Variants in SH3TC1 observed in about 807,000 individuals in gnomAD.
The protein encoded by SH3TC1 is SH3 domain and tetratricopeptide repeats 1, also known as SH3 domain and tetratricopeptide repeat-containing protein 1.
SH3TC1 carries 135 observed loss-of-function variants against 117.3 expected under a neutral mutation model. That is an observed-to-expected ratio of 1.15 (90% CI 1.00 to 1.33). The LOEUF (loss-of-function observed/expected upper bound fraction) is 1.33. SH3TC1 is among the 40% of genes most tolerant of loss of function. The pLI is 0.00. For missense variants in SH3TC1, 2,092 were observed against 1,794.3 expected (o/e 1.17, Z -3.00); for synonymous variants, 898 against 816.9 (o/e 1.10, Z -1.69).
intron 14 of SH3TC1, among the ~76,000 whole-genome samples, chr4:8,234,186 C>A (rs1010766159): frequency 1.4e-5 from 2 of 146,104 alleles, no homozygotes; most frequent in Non-Finnish European, 1.5e-5. Context: ...CATCCATCAT[C>A]CATCCATTCA....
At position 8,228,139 on chromosome 4, in the gene SH3TC1, C is replaced by T. The variant is rs763950708; in HGVS notation, c.2445C>T (p.Ala815=). 2 of 1,612,380 alleles carry T rather than the reference C, an allele frequency of 1.2e-6. No individual in the cohort carries two copies. The highest frequency in any genetic ancestry group is 1.1e-5 in the South Asian group (1 of 90,992). Reference sequence around the variant, plus strand: ...CCTTCATGACGCAGGCAGTGGAAGCCAGTGCTATTGCCGGAGTCCGTGCCA... The same window carrying T: ...CCTTCATGACGCAGGCAGTGGAAGCTAGTGCTATTGCCGGAGTCCGTGCCA... ...AITFMTQAVE[A]SAIAGVRAIV... The change falls in exon 12 of 18, where the codon GCC becomes GCT. Residue 815 remains alanine, a synonymous_variant. Coordinates refer to ENST00000245105, the MANE Select transcript of SH3TC1 (RefSeq NM_018986.5).
chr4:8,225,083 C>G lies in SH3TC1; in HGVS notation c.1244-92C>G. On this transcript the variant is annotated intron_variant, in intron 10 of 17. Transcript: ENST00000245105. The surrounding 1 kb of genome is among the most constrained non-coding windows in gnomAD (Gnocchi z 5.5). ...CTCAATACCTGCACCCAGCAATGCT[C>G]TCACCCTGCAACATCGACACTAGCT... 2 of 1,484,524 alleles carry G rather than the reference C, an allele frequency of 1.3e-6. No individual in the cohort carries two copies. Among genetic ancestry groups the G allele is most frequent in the Non-Finnish European group, 1.9e-6 (2 of 1,075,286 alleles). The allele number at this position is 1,484,524 out of a possible 1,614,324, so 92.0% of individuals were successfully genotyped here.
At chr4:8,199,846 C>CCCGGCA (rs1717708716) in intron 1 of SH3TC1, among the ~76,000 whole-genome samples, 1 of 152,202 alleles carries the variant, frequency 6.6e-6, no homozygotes, top group African/African-American at 2.4e-5. Context: ...CTCAGCCTCA[C>CCCGGCA]CCGGCACCGC....
chr4:8,196,260 C>A (rs557472602), upstream of SH3TC1, among the ~76,000 whole-genome samples: 8 of 152,320 alleles, frequency 5.3e-5, no homozygotes, highest in Admixed American at 3.3e-4. The surrounding 1 kb of genome is among the most constrained non-coding windows in gnomAD (Gnocchi z 4.6). Context: ...AGGAAGTGAC[C>A]ACTCCATGAG....
At chr4:8,216,792 C>G (rs1464909823) in intron 6 of SH3TC1, among the ~76,000 whole-genome samples, 165 bp from the exon 7 acceptor site, 2 of 152,150 alleles carry the variant, frequency 1.3e-5, no homozygotes, top group Non-Finnish European at 2.9e-5. Context: ...TCGCCCTGGG[C>G]CCACCTCTCC....
chr4:8,204,538 G>T (rs908093839), intron 1 of SH3TC1, among the ~76,000 whole-genome samples: 5 of 152,184 alleles, frequency 3.3e-5, no homozygotes, highest in African/African-American at 1.2e-4. Context: ...GGCCCCCCAT[G>T]ACCAAGCCCT....
chr4:8,205,120 G>A lies in SH3TC1; in HGVS notation c.-28-47G>A. On this transcript the variant is annotated intron_variant, in intron 1 of 17. Coordinates refer to ENST00000245105, the MANE Select transcript of SH3TC1 (RefSeq NM_018986.5). This position sits in a 1 kb window ranked among gnomAD's most constrained non-coding sequence, Gnocchi z 5.4. ...CAGGCCTGGACACAACCTCCGTGCTGGTTCTGGAGGGGCCACCTCTCCTGA... is the reference window on the plus strand; with the variant it reads ...CAGGCCTGGACACAACCTCCGTGCTAGTTCTGGAGGGGCCACCTCTCCTGA... 1.4e-6 allele frequency: 2 copies of A among 1,414,396 alleles called. No homozygotes were observed. Among genetic ancestry groups the A allele is most frequent in the South Asian group, 1.5e-5 (1 of 64,520 alleles). The allele number at this position is 1,414,396 out of a possible 1,614,324, so 87.6% of individuals were successfully genotyped here. A position where few individuals can be genotyped will look rare whatever the true frequency, so the allele number is the denominator to read the frequency against.
rs1719269256 is a variant in SH3TC1 at position 8,216,323 on chromosome 4, C to T, written c.628+66C>T. On this transcript the variant is annotated intron_variant, in intron 6 of 17. Transcript: ENST00000245105. ...GGGGCACTCCCGGGCCATGGGGTGACAGCCTGGATCCCGCTGTGCTGAGCA... is the reference window on the plus strand; with the variant it reads ...GGGGCACTCCCGGGCCATGGGGTGATAGCCTGGATCCCGCTGTGCTGAGCA... 3 of 1,563,816 alleles carry T rather than the reference C, an allele frequency of 1.9e-6. No homozygotes were observed. In the African/African-American group the frequency reaches 4.0e-5, roughly 21 times the overall value.
chr4:8,209,668 G>T lies in SH3TC1; in HGVS notation c.173-80G>T, dbSNP rs747270443. ...GAACTCACCTCTTTTCTTGCAGAGA[G>T]ACCTGGAGCGTTTGGCGCCTTCAGA... On this transcript the variant is annotated intron_variant, in intron 2 of 17. Transcript: ENST00000245105. This position sits in a 1 kb window ranked among gnomAD's most constrained non-coding sequence, Gnocchi z 5.9. 3.8e-6 allele frequency: 6 copies of T among 1,588,930 alleles called. No individual in the cohort carries two copies. Among genetic ancestry groups the T allele is most frequent in the South Asian group, 1.1e-5 (1 of 87,680 alleles).
intron 2 of SH3TC1, among the ~76,000 whole-genome samples, chr4:8,207,911 T>C (rs1307903382): frequency 1.3e-5 from 2 of 152,148 alleles, no homozygotes; most frequent in Non-Finnish European, 2.9e-5. Flanking sequence ...TCAACTTCAA[T>C]AGGGATGGCA....
At chr4:8,224,781 T>C (rs1720303990) in intron 10 of SH3TC1, among the ~76,000 whole-genome samples, 1 of 152,164 alleles carries the variant, frequency 6.6e-6, no homozygotes, top group Non-Finnish European at 1.5e-5. Context: ...CCCTGCTCCC[T>C]GATGGAGCTG....
chr4:8,217,474 T>C (rs1391027238), intron 7 of SH3TC1, among the ~76,000 whole-genome samples: 2 of 152,226 alleles, frequency 1.3e-5, no homozygotes, highest in African/African-American at 2.4e-5. Context: ...TTGAGGAAGC[T>C]ACATAAAACA....
At chr4:8,230,645 T>C (rs766921954) in intron 12 of SH3TC1, among the ~76,000 whole-genome samples, 8 of 152,224 alleles carry the variant, frequency 5.3e-5, no homozygotes, top group Non-Finnish European at 1.2e-4. Context: ...TTCATTCTTC[T>C]TTTTCTAGTT....
At chr4:8,207,832 C>T (rs757788653) in intron 2 of SH3TC1, among the ~76,000 whole-genome samples, 2 of 152,158 alleles carry the variant, frequency 1.3e-5, no homozygotes, top group African/African-American at 2.4e-5. Context: ...TCCACAGCCC[C>T]GTGTTTCCAG....
chr4:8,194,414 C>T (rs553967940), upstream of SH3TC1, among the ~76,000 whole-genome samples: 13 of 144,500 alleles, frequency 9.0e-5, no homozygotes, highest in Non-Finnish European at 1.8e-4. Flanking sequence ...GGCTAGAAAT[C>T]GTGTCCTGGC....
At chr4:8,212,986 C>T in intron 4 of SH3TC1, 158 bp downstream of exon 4, 1 of 993,072 alleles carries the variant, frequency 1.0e-6, no homozygotes, top group Non-Finnish European at 1.4e-6. Flanking sequence ...GCTGTGATAC[C>T]CAGTGGGTGG....
chr4:8,188,012 T>C (rs753385), intron 1 of SH3TC1, among the ~76,000 whole-genome samples: 119,085 of 152,184 alleles, frequency 0.78, 48,025 homozygotes, highest in East Asian at 1. Flanking sequence ...ATTTAACTAT[T>C]GGTCGGTTGA....
At chr4:8,188,999 T>A (rs1281114) in intron 1 of SH3TC1, among the ~76,000 whole-genome samples, 1 of 152,226 alleles carries the variant, frequency 6.6e-6, no homozygotes, top group Non-Finnish European at 1.5e-5. Context: ...CTAGGGCAAG[T>A]CCGTGCCTGC....
At chr4:8,195,649 G>A (rs1717538457), upstream of SH3TC1, among the ~76,000 whole-genome samples, 1 of 152,226 alleles carries the variant, frequency 6.6e-6, no homozygotes, top group African/African-American at 2.4e-5. Context: ...TGGATGTGGA[G>A]CCCGTCTGGG....
Sources: gnomAD v4.1 joint callset for allele counts (sites outside exome capture counted in the v4.1 genomes callset) on GRCh38, gnomAD v4.1.1 for gene constraint, Gnocchi (gnomAD v3.1) non-coding constraint, MANE v1.5 for transcripts, NCBI Gene and HGNC (gene_info 2026-07-23, HGNC 2026-07-21) for gene names.